PCDHA1: variants seen among roughly 807,000 people sequenced by gnomAD.
The protein encoded by PCDHA1 is protocadherin alpha 1, also known as protocadherin alpha-1.
PCDHA1 carries 42 observed loss-of-function variants against 61.3 expected under a neutral mutation model. The observed-to-expected ratio is 0.69, with a 90% CI of 0.54 to 0.89. PCDHA1 has a LOEUF of 0.89. PCDHA1 is among the 40% of genes least tolerant of loss of function. The pLI is 0.00. For synonymous variants in PCDHA1, 610 were observed against 553.8 expected (o/e 1.10, Z -1.43); for missense variants, 1,256 against 1,235.3 (o/e 1.02, Z -0.25).
intron 3 of PCDHA1, among the ~76,000 whole-genome samples, chr5:141,009,356 G>T (rs535761188): frequency 7.9e-5 from 12 of 152,204 alleles, no homozygotes; most frequent in Non-Finnish European, 1.6e-4. Context: ...CTACTTGGGA[G>T]GCTAAGATGG....
chr5:140,964,363 G>A (rs1050460842), intron 1 of PCDHA1, among the ~76,000 whole-genome samples: 1 of 152,188 alleles, frequency 6.6e-6, no homozygotes, highest in Non-Finnish European at 1.5e-5. Flanking sequence ...GATGACAAGA[G>A]TGCTGAAAGG....
At chr5:140,833,988 T>C (rs1772754266) in intron 1 of PCDHA1, among the ~76,000 whole-genome samples, 1 of 152,186 alleles carries the variant, frequency 6.6e-6, no homozygotes, top group African/African-American at 2.4e-5. Context: ...TTCTAAGGCA[T>C]GAGGAAGCTA....
chr5:140,806,052 C>T (rs1019099604), intron 1 of PCDHA1, among the ~76,000 whole-genome samples: 1 of 152,096 alleles, frequency 6.6e-6, no homozygotes, highest in African/African-American at 2.4e-5. Context: ...ATGGCCCACG[C>T]GATTCCACCC....
chr5:140,799,539 G>T (rs1482370446), intron 1 of PCDHA1, among the ~76,000 whole-genome samples: 1 of 151,820 alleles, frequency 6.6e-6, no homozygotes, highest in African/African-American at 2.4e-5. Context: ...TCATAATATA[G>T]CACAATATAA....
chr5:140,929,875 G>A lies in PCDHA1; in HGVS notation c.2395-49074G>A, dbSNP rs1326750420. 4 of 153,064 alleles carry A rather than the reference G, an allele frequency of 2.6e-5. No individual in the cohort carries two copies. The East Asian group carries it at 7.7e-4, about 29-fold the overall frequency. 9.5% of individuals were successfully genotyped at this position (153,064 alleles called of 1,614,324 possible). A position where few individuals can be genotyped will look rare whatever the true frequency, so the allele number is the denominator to read the frequency against. On this transcript the variant is annotated intron_variant, in intron 1 of 3. Transcript: ENST00000504120. ...GAGTCAGAGAAGGCTTTGTGATAGAGATCACAGATTTAGTTGGATCTTTAA... is the reference window on the plus strand; with the variant it reads ...GAGTCAGAGAAGGCTTTGTGATAGAAATCACAGATTTAGTTGGATCTTTAA...
At position 140,788,066 on chromosome 5, in the gene PCDHA1, G is replaced by C. The variant is rs782655473; in HGVS notation, c.1776G>C (p.Ala592=). 2 of 1,614,000 alleles carry C rather than the reference G, an allele frequency of 1.2e-6. No individual in the cohort carries two copies. The highest frequency in any genetic ancestry group is 1.7e-6 in the Non-Finnish European group (2 of 1,179,902). ...TGGTGGGTGCGGGTCATGTGGTGGC[G>C]AAGGTGCGCGCAGTGGACGCCGACT... The part of the protein sequence containing the change: ...PRLVGAGHVV[A]KVRAVDADSG... Residue 592 remains alanine, a synonymous_variant, in exon 1 of 4, where the codon GCG becomes GCC. Coordinates refer to ENST00000504120, the MANE Select transcript of PCDHA1 (RefSeq NM_018900.4).
At chr5:140,847,596 A>G (rs1159769892) in intron 1 of PCDHA1, 1 of 149,708 alleles carries the variant, frequency 6.7e-6, no homozygotes, top group Non-Finnish European at 1.5e-5. Context: ...TGAAATTAAA[A>G]CATATTGTAA....
intron 3 of PCDHA1, among the ~76,000 whole-genome samples, chr5:140,993,561 T>C (rs1282310511): frequency 6.6e-6 from 1 of 151,800 alleles, no homozygotes; most frequent in Non-Finnish European, 1.5e-5. Flanking sequence ...GTATATAGTA[T>C]CCTTTCTAGG....
chr5:140,891,748 C>G (rs575198849), intron 1 of PCDHA1, among the ~76,000 whole-genome samples: 2 of 152,242 alleles, frequency 1.3e-5, no homozygotes, highest in African/African-American at 4.8e-5. Flanking sequence ...CCTTATACAA[C>G]AGTGTTGGGA....
chr5:140,853,297 G>T, intron 1 of PCDHA1: 1 of 981,768 alleles, frequency 1.0e-6, no homozygotes, highest in Non-Finnish European at 1.2e-6. Context: ...TCTCAGAAGG[G>T]CTGTGAACAC....
chr5:140,909,437 C>T (rs2074495257), intron 1 of PCDHA1, among the ~76,000 whole-genome samples: 1 of 152,198 alleles, frequency 6.6e-6, no homozygotes, highest in African/African-American at 2.4e-5. Flanking sequence ...TGATAATCCA[C>T]TGTCATTCTC....
intron 1 of PCDHA1, chr5:140,969,506 G>A (rs1262259666): frequency 2.9e-5 from 41 of 1,426,940 alleles, no homozygotes; most frequent in Non-Finnish European, 3.6e-5. Context: ...TAGAAAAATA[G>A]CACTAAAGAA....
chr5:140,795,090 C>A (rs1761914213), intron 1 of PCDHA1: 1 of 1,614,012 alleles, frequency 6.2e-7, no homozygotes, highest in Middle Eastern at 1.7e-4. Flanking sequence ...CCAAACACGG[C>A]ACCTTCGTGG....
chr5:140,883,453 C>T (rs138388360), intron 1 of PCDHA1: 46 of 1,614,168 alleles, frequency 2.8e-5, no homozygotes, highest in Non-Finnish European at 3.9e-5. Context: ...ATGTCCCCTT[C>T]AAGCTGGTGT....
chr5:140,870,229 C>T (rs781897836), intron 1 of PCDHA1: 13 of 1,614,046 alleles, frequency 8.1e-6, no homozygotes, highest in East Asian at 4.5e-5. Context: ...CGTGTCTGAC[C>T]GTGACTCAGG....
chr5:140,905,891 G>A (rs1486335678), intron 1 of PCDHA1, among the ~76,000 whole-genome samples: 2 of 152,162 alleles, frequency 1.3e-5, no homozygotes, highest in African/African-American at 4.8e-5. Context: ...TAGGCCATCT[G>A]CAAGCTGAGG....
At chr5:140,948,351 A>G (rs951541212) in intron 1 of PCDHA1, among the ~76,000 whole-genome samples, 1 of 151,646 alleles carries the variant, frequency 6.6e-6, no homozygotes, top group East Asian at 1.9e-4. Flanking sequence ...TTCTAACCTA[A>G]TAAAATGACT....
intron 3 of PCDHA1, among the ~76,000 whole-genome samples, chr5:140,986,619 C>T (rs1212565136): frequency 6.6e-6 from 1 of 152,134 alleles, no homozygotes; most frequent in Non-Finnish European, 1.5e-5. Flanking sequence ...CAGGCCTTAC[C>T]TAAGGCAACA....
chr5:140,980,522 A>G (rs1341350940), intron 2 of PCDHA1, among the ~76,000 whole-genome samples: 2 of 152,074 alleles, frequency 1.3e-5, no homozygotes, highest in Non-Finnish European at 2.9e-5. Flanking sequence ...TCCAGCTACT[A>G]GGGAGGCTGA....
Sources: allele counts gnomAD v4.1 joint callset (sites outside exome capture counted in the v4.1 genomes callset), GRCh38; gene constraint gnomAD v4.1.1; transcripts MANE v1.5; gene names NCBI Gene and HGNC (gene_info 2026-07-23, HGNC 2026-07-21).